SLC38A1: variants seen among roughly 807,000 people sequenced by gnomAD.
SLC38A1 encodes sodium-coupled neutral amino acid symporter 1.
A neutral mutation model predicts 60.3 loss-of-function variants in SLC38A1; 18 were observed. The ratio of observed to expected loss-of-function variants is 0.30; its 90% CI spans 0.21 to 0.44. The LOEUF (loss-of-function observed/expected upper bound fraction) is 0.44. SLC38A1 is among the 20% of genes least tolerant of loss of function. SLC38A1 has a pLI of 1.00. For missense variants in SLC38A1, 448 were observed against 587.2 expected, an observed-to-expected ratio of 0.76 and a Z score of 2.45; for synonymous variants, 196 against 212.1, an observed-to-expected ratio of 0.92 and a Z score of 0.66.
chr12:46,256,636 C>CAGAGAGAGAGAGAGAG (rs1555192390), intron 1 of SLC38A1, among the ~76,000 whole-genome samples: 1,953 of 123,220 alleles, frequency 0.016, 43 homozygotes, highest in South Asian at 0.058. Context: ...CACACACACA[C>CAGAGAGAGAGAGAGAG]AGAGAGAGAG....
rs751861717 is a variant in SLC38A1 at position 46,207,632 on chromosome 12, A to G, written c.389-11T>C. On this transcript the variant is annotated splice_polypyrimidine_tract_variant and intron_variant, in intron 6 of 16. Coordinates refer to ENST00000398637, the MANE Select transcript of SLC38A1 (RefSeq NM_030674.4). Reference sequence around the variant, plus strand: ...CATACACCATGCAGCCTATTTAAAAATCAAATTTGAGAACACAAGAAATGA... The same window carrying G: ...CATACACCATGCAGCCTATTTAAAAGTCAAATTTGAGAACACAAGAAATGA... The G allele has an allele frequency of 4.3e-5, 70 of 1,611,828 alleles. No individual in the cohort carries two copies. Among genetic ancestry groups the G allele is most frequent in the Non-Finnish European group, 5.3e-5 (62 of 1,178,018 alleles).
At position 46,265,444 on chromosome 12, in the gene SLC38A1, A is replaced by G. The variant is rs1306794570; in HGVS notation, c.-209+3082T>C. Among the ~76,000 whole-genome samples the G allele has an allele frequency of 2.0e-5, 3 of 152,236 alleles. No homozygotes were observed. In the East Asian group the frequency reaches 5.8e-4, roughly 29 times the overall value. On this transcript the variant is annotated intron_variant, in intron 1 of 16. Coordinates refer to ENST00000398637, the MANE Select transcript of SLC38A1 (RefSeq NM_030674.4). Reference sequence around the variant, plus strand: ...GTGGCATCAGGGATAGGCCATCACAAGTACACAGGATTTCAGTAGGCATTC... The same window carrying G: ...GTGGCATCAGGGATAGGCCATCACAGGTACACAGGATTTCAGTAGGCATTC...
chr12:46,226,617 C>CTTTTT (rs199599486), intron 5 of SLC38A1, among the ~76,000 whole-genome samples: 8 of 122,982 alleles, frequency 6.5e-5, no homozygotes, highest in Non-Finnish European at 1.2e-4. Context: ...CATGGATTTC[C>CTTTTT]TTTTTTTTTT....
At chr12:46,251,196 C>A (rs1349753739) in intron 1 of SLC38A1, among the ~76,000 whole-genome samples, 2 of 152,168 alleles carry the variant, frequency 1.3e-5, no homozygotes, top group Admixed American at 1.3e-4. Context: ...CACTACACAT[C>A]TACAACCATC....
intron 1 of SLC38A1, among the ~76,000 whole-genome samples, chr12:46,260,290 A>C (rs1316458905): frequency 6.6e-6 from 1 of 151,986 alleles, no homozygotes; most frequent in Non-Finnish European, 1.5e-5. Flanking sequence ...ACATATTCCA[A>C]ATTCTTTCCT....
chr12:46,207,295 C>T, intron 7 of SLC38A1, 59 bp from the exon 8 acceptor site: 1 of 1,454,322 alleles, frequency 6.9e-7, no homozygotes, highest in Non-Finnish European at 9.5e-7. Context: ...TTGCAAGCTA[C>T]ATAAAAAGTT....
rs1461926817 is a variant in SLC38A1, at chr12:46,207,201, G to A, written c.517C>T (p.Leu173=). The A allele has an allele frequency of 6.8e-6, 11 of 1,613,346 alleles. No homozygotes were observed. Among genetic ancestry groups the A allele is most frequent in the Non-Finnish European group, 9.3e-6 (11 of 1,179,566 alleles). The part of the protein sequence containing the change: ...LSYLFIVKNE[L]PSAIKFLMGK... ...ATTAGAAACTTTATGGCAGAGGGTA[G>A]TTCATTTTTTACGATGAAGAGGTAG... is the stretch of plus-strand genomic sequence containing the variant. Residue 173 remains leucine (L), a synonymous_variant, in exon 8 of 17, where the codon CTA becomes TTA. Coordinates refer to ENST00000398637, the MANE Select transcript of SLC38A1 (RefSeq NM_030674.4).
intron 5 of SLC38A1, among the ~76,000 whole-genome samples, chr12:46,225,878 G>T (rs1266630721): frequency 6.6e-6 from 1 of 152,086 alleles, no homozygotes; most frequent in Non-Finnish European, 1.5e-5. Context: ...TACACAAATG[G>T]CCCTGTTTCT....
chr12:46,210,179 G>A (rs1325862858), intron 5 of SLC38A1, among the ~76,000 whole-genome samples: 1 of 152,186 alleles, frequency 6.6e-6, no homozygotes, highest in Non-Finnish European at 1.5e-5. Context: ...CCCCAGCTCA[G>A]ATGCCAACTC....
At chr12:46,245,631 A>G (rs945140821) in intron 1 of SLC38A1, among the ~76,000 whole-genome samples, 8 of 152,220 alleles carry the variant, frequency 5.3e-5, no homozygotes, top group Non-Finnish European at 1.2e-4. Flanking sequence ...ACACCCAAAG[A>G]AAATGAAATC....
At chr12:46,235,472 A>T (rs1477905167) in intron 3 of SLC38A1, among the ~76,000 whole-genome samples, 6 of 152,226 alleles carry the variant, frequency 3.9e-5, no homozygotes, top group Non-Finnish European at 8.8e-5. Flanking sequence ...AAGAAACAGG[A>T]ATCTAAAGAG....
In SLC38A1 at chr12:46,207,444, T is replaced by G. The variant is rs752768552; in HGVS notation, c.481+85A>C. ...CCATTTTAGCAATGAGGATGATAAC[T>G]GCTTGAATTATGTTAAAATTCATGT... On this transcript the variant is annotated intron_variant, in intron 7 of 16. Coordinates refer to ENST00000398637, the MANE Select transcript of SLC38A1 (RefSeq NM_030674.4). The G allele has an allele frequency of 3.3e-4, 444 of 1,331,204 alleles. 1 individual carries two copies. Among genetic ancestry groups the G allele is most frequent in the Non-Finnish European group, 4.4e-4 (404 of 928,256 alleles). The allele number at this position is 1,331,204 out of a possible 1,614,324, so 82.5% of individuals were successfully genotyped here. A position where few individuals can be genotyped will look rare whatever the true frequency, so the allele number is the denominator to read the frequency against.
intron 1 of SLC38A1, among the ~76,000 whole-genome samples, chr12:46,249,151 G>A (rs1241849015): frequency 1.8e-3 from 48 of 26,376 alleles, no homozygotes; most frequent in African/African-American, 4.6e-3. Flanking sequence ...GTGAGACTCC[G>A]CCTCAAAAAA....
chr12:46,192,156 T>G (rs909309303), intron 16 of SLC38A1, among the ~76,000 whole-genome samples: 5 of 152,250 alleles, frequency 3.3e-5, no homozygotes, highest in African/African-American at 9.6e-5. Flanking sequence ...CTGTTGAATT[T>G]TGTCAAAGGC....
chr12:46,200,294 A>C (rs1174036742), intron 13 of SLC38A1, among the ~76,000 whole-genome samples: 1 of 152,124 alleles, frequency 6.6e-6, no homozygotes, highest in African/African-American at 2.4e-5. Flanking sequence ...AAATGTGTTT[A>C]ATTTTGAGAC....
chr12:46,208,946 C>T (rs1448659545), intron 6 of SLC38A1, 108 bp downstream of exon 6: 3 of 790,892 alleles, frequency 3.8e-6, no homozygotes, highest in Non-Finnish European at 6.3e-6. Context: ...AATAGTCTTT[C>T]TTTTTAATAA....
intron 1 of SLC38A1, among the ~76,000 whole-genome samples, chr12:46,252,719 C>T (rs1437212843): frequency 6.6e-6 from 1 of 151,688 alleles, no homozygotes; most frequent in African/African-American, 2.4e-5. Flanking sequence ...TATGGCCTTC[C>T]ATGGTTTTTC....
At chr12:46,227,483 T>C (rs1271341314) in intron 5 of SLC38A1, among the ~76,000 whole-genome samples, 2 of 152,170 alleles carry the variant, frequency 1.3e-5, no homozygotes, top group African/African-American at 2.4e-5. Flanking sequence ...AGCTACTTCA[T>C]AGAGTTATTG....
intron 3 of SLC38A1, among the ~76,000 whole-genome samples, chr12:46,229,856 G>T (rs1008803583): frequency 6.6e-6 from 1 of 152,006 alleles, no homozygotes; most frequent in Non-Finnish European, 1.5e-5. Context: ...AACTATAAGT[G>T]CCCCAAGGGC....
Sources: gnomAD v4.1 joint callset for allele counts (sites outside exome capture counted in the v4.1 genomes callset) on GRCh38, gnomAD v4.1.1 for gene constraint, MANE v1.5 for transcripts, NCBI Gene and HGNC (gene_info 2026-07-23, HGNC 2026-07-21) for gene names.